Variants in MINDY3 observed in about 807,000 individuals in gnomAD.
The protein encoded by MINDY3 is ubiquitin carboxyl-terminal hydrolase MINDY-3.
Under a neutral mutation model 69.2 loss-of-function variants are expected in MINDY3, and 38 were observed. The observed-to-expected ratio is 0.55, with a 90% CI of 0.42 to 0.72. MINDY3 has a LOEUF of 0.72. Ranked by LOEUF, MINDY3 falls within the 30% of genes least tolerant of loss-of-function variation. The pLI is 0.00. For missense variants in MINDY3, 522 were observed against 519.0 expected (o/e 1.01, Z -0.06); for synonymous variants, 192 against 180.1 (o/e 1.07, Z -0.53).
chr10:15,811,035 C>G (rs891182740), intron 10 of MINDY3, among the ~76,000 whole-genome samples: 26 of 151,984 alleles, frequency 1.7e-4, no homozygotes, highest in Non-Finnish European at 3.5e-4. Flanking sequence ...TTTAATGATC[C>G]AGTATTGGCA....
At chr10:15,798,284 G>A (rs1271319530) in intron 10 of MINDY3, among the ~76,000 whole-genome samples, 2 of 152,152 alleles carry the variant, frequency 1.3e-5, no homozygotes, top group African/African-American at 4.8e-5. Flanking sequence ...CTTCAATATT[G>A]CTACAAAGTA....
intron 10 of MINDY3, among the ~76,000 whole-genome samples, chr10:15,814,369 G>A (rs568389672): frequency 4.3e-4 from 66 of 152,014 alleles, no homozygotes; most frequent in African/African-American, 1.6e-3. Flanking sequence ...ATCACAATGA[G>A]TCGTGTAAAA....
At chr10:15,791,106 G>A (rs750751013) in intron 11 of MINDY3, among the ~76,000 whole-genome samples, 1 of 151,896 alleles carries the variant, frequency 6.6e-6, no homozygotes, top group African/African-American at 2.4e-5. Flanking sequence ...AACTGTACCC[G>A]GTCAGTAACT....
rs960871378 is a variant in MINDY3, at chr10:15,831,697, A to G, written c.730+1933T>C. 5.2e-4 allele frequency among the ~76,000 whole-genome samples: 65 copies of G among 124,206 alleles called. 1 individual carries two copies. The highest frequency in any genetic ancestry group is 2.1e-3 in the African/African-American group (64 of 29,816). The allele number at this position is 124,206 out of a possible 152,430, so 81.5% of individuals were successfully genotyped here. Reference sequence around the variant, plus strand: ...TCTTTTTTTTTTTTTTTTTTTTGAGATGGAGTCTCGCTCTATTGCTCAGGC... The same window carrying G: ...TCTTTTTTTTTTTTTTTTTTTTGAGGTGGAGTCTCGCTCTATTGCTCAGGC... On this transcript the variant is annotated intron_variant, in intron 8 of 14. Transcript: ENST00000277632.
At chr10:15,845,813 ATTTTTT>A (rs891710697) in intron 2 of MINDY3, among the ~76,000 whole-genome samples, 7 of 49,334 alleles carry the variant, frequency 1.4e-4, no homozygotes, top group African/African-American at 4.3e-4. Context: ...GGCCTATGTG[ATTTTTT>A]TTTTTTTTTT....
intron 12 of MINDY3, among the ~76,000 whole-genome samples, chr10:15,788,646 T>A (rs1226600145): frequency 6.6e-6 from 1 of 152,116 alleles, no homozygotes; most frequent in Non-Finnish European, 1.5e-5. Flanking sequence ...TTTTCATGGA[T>A]AATAACTAAA....
chr10:15,797,178 A>C (rs1837902670), intron 10 of MINDY3, among the ~76,000 whole-genome samples: 2 of 152,246 alleles, frequency 1.3e-5, no homozygotes, highest in South Asian at 4.1e-4. Flanking sequence ...GAATCAGAGG[A>C]GTTCTAACTG....
intron 10 of MINDY3, among the ~76,000 whole-genome samples, chr10:15,801,267 T>C (rs531624367): frequency 1.3e-5 from 2 of 152,130 alleles, no homozygotes; most frequent in Non-Finnish European, 2.9e-5. Context: ...GGCTACTGTT[T>C]TATGCACATG....
At chr10:15,805,897 T>C (rs1423407222) in intron 10 of MINDY3, among the ~76,000 whole-genome samples, 1 of 152,002 alleles carries the variant, frequency 6.6e-6, no homozygotes, top group East Asian at 1.9e-4. Flanking sequence ...CTGGGTGTGT[T>C]GGGGAGAGAG....
chr10:15,808,767 CT>C (rs1413832918), intron 10 of MINDY3, among the ~76,000 whole-genome samples: 1 of 152,098 alleles, frequency 6.6e-6, no homozygotes, highest in African/African-American at 2.4e-5. Flanking sequence ...CATAGAGCCC[CT>C]TTATAACCAT....
chr10:15,857,014 C>G (rs1834737331), intron 1 of MINDY3, among the ~76,000 whole-genome samples: 1 of 152,144 alleles, frequency 6.6e-6, no homozygotes, highest in South Asian at 2.1e-4. Flanking sequence ...CAAGTAGTAT[C>G]TCTCCTTTGC....
intron 11 of MINDY3, among the ~76,000 whole-genome samples, chr10:15,791,349 C>T (rs143838446): frequency 6.4e-4 from 97 of 151,848 alleles, no homozygotes; most frequent in African/African-American, 2.3e-3. Context: ...CCAACTGACT[C>T]CCTAGAGAAT....
chr10:15,796,721 C>T (rs1030381024), intron 10 of MINDY3, among the ~76,000 whole-genome samples: 1 of 151,948 alleles, frequency 6.6e-6, no homozygotes, highest in South Asian at 2.1e-4. Context: ...TTTTTCTGAA[C>T]TCAAAGGAAA....
chr10:15,783,544 T>C (rs187506186), intron 13 of MINDY3, among the ~76,000 whole-genome samples: 1 of 152,334 alleles, frequency 6.6e-6, no homozygotes, highest in Admixed American at 6.5e-5. Context: ...AAGTTTTTCC[T>C]GGACACACTA....
At chr10:15,849,446 G>GT (rs201568467) in intron 1 of MINDY3, among the ~76,000 whole-genome samples, 2,001 of 142,764 alleles carry the variant, frequency 0.014, 24 homozygotes, top group South Asian at 0.06. Context: ...CATCTTACTG[G>GT]TTTTTTTTTT....
chr10:15,848,654 AAAAAAAAAG>A (rs1285524264), intron 1 of MINDY3, among the ~76,000 whole-genome samples: 5 of 128,242 alleles, frequency 3.9e-5, no homozygotes, highest in Admixed American at 8.4e-5. Context: ...AAAAAAAAAA[AAAAAAAAAG>A]AAAGAAAAAT....
intron 11 of MINDY3, among the ~76,000 whole-genome samples, chr10:15,791,775 A>AT (rs1323554415): frequency 2.0e-5 from 3 of 152,154 alleles, no homozygotes; most frequent in African/African-American, 7.2e-5. Flanking sequence ...GAGGCATGTA[A>AT]TTTCCTGGAT....
At chr10:15,805,954 T>C (rs1158950714) in intron 10 of MINDY3, among the ~76,000 whole-genome samples, 6 of 152,134 alleles carry the variant, frequency 3.9e-5, no homozygotes, top group African/African-American at 1.4e-4. Context: ...AGAGGGTACA[T>C]TGCTTTTAGA....
intron 10 of MINDY3, among the ~76,000 whole-genome samples, chr10:15,802,234 T>G (rs1838317370): frequency 6.6e-6 from 1 of 151,988 alleles, no homozygotes; most frequent in South Asian, 2.1e-4. Flanking sequence ...GTCAATTATG[T>G]TTTCAAAAAC....
Sources: gnomAD v4.1 joint callset for allele counts (sites outside exome capture counted in the v4.1 genomes callset) on GRCh38, gnomAD v4.1.1 for gene constraint, MANE v1.5 for transcripts, NCBI Gene and HGNC (gene_info 2026-07-23, HGNC 2026-07-21) for gene names.